WASF1: variants seen among roughly 807,000 people sequenced by gnomAD.
The protein encoded by WASF1 is WASP family member 1.
In WASF1, 7 loss-of-function variants were observed where a neutral mutation model predicts 50.5. That is an observed-to-expected ratio of 0.14 (90% confidence interval 0.08 to 0.26). The LOEUF (loss-of-function observed/expected upper bound fraction) is 0.26. Ranked by LOEUF, WASF1 falls within the 10% of genes least tolerant of loss-of-function variation. WASF1 has a pLI of 1.00. For missense variants in WASF1, 470 were observed against 694.7 expected, an observed-to-expected ratio of 0.68 and a Z score of 3.64; for synonymous variants, 205 against 244.0, an observed-to-expected ratio of 0.84 and a Z score of 1.49.
At chr6:110,125,894 T>G (rs750603958) in intron 4 of WASF1, among the ~76,000 whole-genome samples, 3 of 152,190 alleles carry the variant, frequency 2.0e-5, no homozygotes, top group Non-Finnish European at 2.9e-5. Context: ...TATATAGACT[T>G]AAAAATTCCT....
chr6:110,104,009 C>T (rs534474564), intron 8 of WASF1, among the ~76,000 whole-genome samples: 69 of 151,838 alleles, frequency 4.5e-4, no homozygotes, highest in Middle Eastern at 3.4e-3. Flanking sequence ...ACTTAAATGA[C>T]TTCTAAAAGT....
At chr6:110,107,989 C>G (rs149596132) in intron 6 of WASF1, among the ~76,000 whole-genome samples, 217 of 151,824 alleles carry the variant, frequency 1.4e-3, no homozygotes, top group Non-Finnish European at 2.4e-3. Flanking sequence ...CAGTGAAACC[C>G]CATCTCTACT....
intron 3 of WASF1, among the ~76,000 whole-genome samples, chr6:110,140,807 T>C (rs537768708): frequency 4.6e-5 from 7 of 152,098 alleles, no homozygotes; most frequent in South Asian, 2.1e-4. Flanking sequence ...CAGGATCAGA[T>C]GAAATGAGGT....
rs193222663 is a variant in WASF1, at chr6:110,171,902, C to T, written c.-127+6696G>A. The stretch of plus-strand genomic sequence containing the variant: ...TGAACAGACACTTCTCAAAAGAAGA[C>T]GTCTATGCAGCCAACAGACACATGA... On this transcript the variant is annotated intron_variant, in intron 2 of 10. Coordinates refer to ENST00000392589, the MANE Select transcript of WASF1 (RefSeq NM_003931.3). 7.9e-5 allele frequency among the ~76,000 whole-genome samples: 12 copies of T among 152,244 alleles called. No homozygotes were observed. The East Asian group carries it at 2.1e-3, about 27-fold the overall frequency.
At chr6:110,175,529 GA>G (rs949848136) in intron 2 of WASF1, among the ~76,000 whole-genome samples, 2 of 151,754 alleles carry the variant, frequency 1.3e-5, no homozygotes, top group Non-Finnish European at 2.9e-5. Flanking sequence ...GAACTCTCAG[GA>G]AAAAAAGGGG....
intron 3 of WASF1, among the ~76,000 whole-genome samples, chr6:110,143,914 G>T (rs374092560): frequency 4.6e-5 from 7 of 152,044 alleles, no homozygotes; most frequent in Admixed American, 1.3e-4. Flanking sequence ...ATAGTGCCGC[G>T]ATAAACATAC....
rs1486245331 is a variant in WASF1 at position 110,102,055 on chromosome 6, A to C, written c.1055T>G (p.Val352Gly). 1.2e-5 allele frequency: 18 copies of C among 1,507,106 alleles called. No individual in the cohort carries two copies. The highest frequency in any genetic ancestry group is 2.8e-5 in the African/African-American group (2 of 70,872). 93.4% of individuals were successfully genotyped at this position (1,507,106 alleles called of 1,614,324 possible). Residue 352 changes from valine (V) to glycine (G), a missense_variant, in exon 10 of 11, where the codon GTA becomes GGA. Val to Gly is a moderately radical substitution (Grantham distance 109). This residue lies in a region of WASF1 where 294 missense variants were observed against 343.5 expected (regional missense o/e 0.86). Coordinates refer to ENST00000392589, the MANE Select transcript of WASF1 (RefSeq NM_003931.3). ...GGCTGGAGGTGGAGGTGGGGGAGGT[A>C]CTGGAGGGGGAGGAGTTGAAGTCAT... ...ASMTSTPPPP[V>G]PPPPPPPATA...
chr6:110,170,357 G>A (rs2114620475), intron 2 of WASF1, among the ~76,000 whole-genome samples: 1 of 152,016 alleles, frequency 6.6e-6, no homozygotes, highest in South Asian at 2.1e-4. Flanking sequence ...CAAGTAGCTG[G>A]GACTACAGGT....
At chr6:110,100,764 C>A in intron 10 of WASF1, 85 bp from the exon 11 acceptor site, 5 of 1,298,232 alleles carry the variant, frequency 3.9e-6, no homozygotes, top group Non-Finnish European at 5.1e-6. Flanking sequence ...AAATCAAATA[C>A]ACATGAGAAA....
At chr6:110,134,234 A>G (rs1431392549) in intron 3 of WASF1, among the ~76,000 whole-genome samples, 1 of 151,860 alleles carries the variant, frequency 6.6e-6, no homozygotes, top group African/African-American at 2.4e-5. Context: ...TGATCTTTTT[A>G]TAAGGTGAGA....
At chr6:110,167,683 C>T (rs1026740563) in intron 2 of WASF1, among the ~76,000 whole-genome samples, 2 of 151,822 alleles carry the variant, frequency 1.3e-5, no homozygotes, top group African/African-American at 2.4e-5. Context: ...TCACTATAAC[C>T]CTCAAATAAG....
chr6:110,163,221 C>A (rs576332226), intron 2 of WASF1, among the ~76,000 whole-genome samples: 8 of 151,570 alleles, frequency 5.3e-5, no homozygotes, highest in Admixed American at 2.0e-4. Context: ...CGAAAGAAAT[C>A]AAAAAACTAA....
intron 2 of WASF1, among the ~76,000 whole-genome samples, chr6:110,165,125 A>C (rs1182345156): frequency 6.6e-6 from 1 of 151,584 alleles, no homozygotes; most frequent in Non-Finnish European, 1.5e-5. Flanking sequence ...GTGAAATTAC[A>C]CATTTCTCGT....
At chr6:110,108,497 T>C in intron 6 of WASF1, 31 bp downstream of exon 6, 1 of 1,565,174 alleles carries the variant, frequency 6.4e-7, no homozygotes, top group Non-Finnish European at 8.7e-7. Context: ...CTGAGATAAA[T>C]AATAGGGCTA....
chr6:110,173,544 G>C (rs919023525), intron 2 of WASF1, among the ~76,000 whole-genome samples: 1 of 152,128 alleles, frequency 6.6e-6, no homozygotes, highest in African/African-American at 2.4e-5. Context: ...TGATCTATGA[G>C]AGGACTCAGT....
intron 3 of WASF1, among the ~76,000 whole-genome samples, chr6:110,148,787 G>T (rs1265981638): frequency 1.3e-5 from 2 of 152,176 alleles, no homozygotes; most frequent in Non-Finnish European, 2.9e-5. Flanking sequence ...GACAGAAGAT[G>T]AATAAAGTAG....
chr6:110,129,210 T>C (rs1293225630), intron 3 of WASF1, among the ~76,000 whole-genome samples: 1 of 152,200 alleles, frequency 6.6e-6, no homozygotes. Context: ...ATCTGTTGCC[T>C]TCTTGCCTCC....
At chr6:110,159,127 G>A (rs1033114730) in intron 3 of WASF1, among the ~76,000 whole-genome samples, 1 of 151,808 alleles carries the variant, frequency 6.6e-6, no homozygotes, top group African/African-American at 2.4e-5. Context: ...ACAGCATTTT[G>A]CGTTTTGACT....
intron 3 of WASF1, among the ~76,000 whole-genome samples, chr6:110,155,778 C>G (rs1227071849): frequency 2.5e-5 from 1 of 39,770 alleles, no homozygotes; most frequent in African/African-American, 1.1e-4. Context: ...TGTTCAATTC[C>G]CACCTATGAG....
Sources: gnomAD v4.1 joint callset for allele counts (sites outside exome capture counted in the v4.1 genomes callset) on GRCh38, gnomAD v4.1.1 for gene constraint, gnomAD v4.1.1 regional missense constraint, MANE v1.5 for transcripts, NCBI Gene and HGNC (gene_info 2026-07-23, HGNC 2026-07-21) for gene names.